Variants in RASA1 observed in about 807,000 individuals in gnomAD.
The protein encoded by RASA1 is ras GTPase-activating protein 1.
Under a neutral mutation model 132.2 loss-of-function variants are expected in RASA1, and 25 were observed. The ratio of observed to expected loss-of-function variants is 0.19; its 90% confidence interval spans 0.14 to 0.26. RASA1 has a LOEUF of 0.26. Among genes scored for constraint, RASA1 ranks in the 10% least tolerant of loss-of-function variants. The probability of loss-of-function intolerance (pLI) is 1.00; values close to 1 mark genes in which losing one functional copy is unlikely to be tolerated. For missense variants in RASA1, 964 were observed against 1,299.2 expected (o/e 0.74, Z 3.97); for synonymous variants, 477 against 449.9 (o/e 1.06, Z -0.76).
Position 87,385,290 on chromosome 5 carries a change from TTC to T in RASA1, c.2759-9_2759-8del. 1 of 1,581,182 alleles carries T rather than the reference TTC, an allele frequency of 6.3e-7. No individual in the cohort carries two copies. Among genetic ancestry groups the T allele is most frequent in the Non-Finnish European group, 8.7e-7 (1 of 1,150,608 alleles). Reference sequence around the variant, plus strand: ...ACTTGGTGTCATTAGCTGTGCCCAATTCTGTTACAGATTCTCCATCTCCTATT... The same window carrying T: ...ACTTGGTGTCATTAGCTGTGCCCAATTGTTACAGATTCTCCATCTCCTATT... On this transcript the variant is annotated splice_polypyrimidine_tract_variant and intron_variant, in intron 21 of 24. Coordinates refer to ENST00000274376, the MANE Select transcript of RASA1 (RefSeq NM_002890.3).
intron 22 of RASA1, among the ~76,000 whole-genome samples, chr5:87,386,062 C>T (rs778922607): frequency 6.6e-6 from 1 of 151,972 alleles, no homozygotes; most frequent in Non-Finnish European, 1.5e-5. Context: ...ATTTAAGATA[C>T]TTTTATTGCT....
chr5:87,387,433 G>T (rs1335604988), intron 23 of RASA1, among the ~76,000 whole-genome samples: 3 of 152,102 alleles, frequency 2.0e-5, no homozygotes, highest in Non-Finnish European at 4.4e-5. Context: ...ACGAATGAGG[G>T]TATTTTATAA....
rs1055470977 is a variant in RASA1, at chr5:87,391,476, A to AAGGAAC, written c.*594_*595insGGAACA. The AAGGAAC allele has an allele frequency of 3.3e-5, 8 of 240,614 alleles. No individual in the cohort carries two copies. Among genetic ancestry groups the AAGGAAC allele is most frequent in the Non-Finnish European group, 6.6e-5 (8 of 121,578 alleles). 14.9% of individuals were successfully genotyped at this position (240,614 alleles called of 1,614,324 possible). ...TTCTCTTGCTGGAACTGTTGAAAGA[A>AAGGAAC]AATATATAGAATGATCTATTGCTCA... On this transcript the variant is annotated 3_prime_UTR_variant, in exon 25 of 25. Coordinates refer to ENST00000274376, the MANE Select transcript of RASA1 (RefSeq NM_002890.3).
Position 87,346,680 on chromosome 5 carries a change from A to G in RASA1, c.1058A>G (p.His353Arg), listed in dbSNP as rs1758886746. 1.3e-6 allele frequency: 2 copies of G among 1,552,432 alleles called. No homozygotes were observed. The highest frequency in any genetic ancestry group is 4.5e-5 in the East Asian group (2 of 44,212). The change falls in exon 7 of 25, where the codon CAT (histidine) becomes CGT (arginine). Residue 353 changes from histidine to arginine, a missense_variant. Physicochemically the swap from His to Arg is conservative, Grantham distance 29 (BLOSUM62 0). Coordinates refer to ENST00000274376, the MANE Select transcript of RASA1 (RefSeq NM_002890.3). ...EDPHEGKIWF[H>R]GKISKQEAYN... The stretch of plus-strand genomic sequence containing the variant: ...TTTATTCTCTTTTTAAGATGGTTCC[A>G]TGGGAAGATTTCCAAACAGGAAGCT...
Position 87,337,902 on chromosome 5 carries a change from G to A in RASA1, c.900-72G>A, listed in dbSNP as rs1489885261. On this transcript the variant is annotated intron_variant, in intron 4 of 24. Coordinates refer to ENST00000274376, the MANE Select transcript of RASA1 (RefSeq NM_002890.3). ...TATAATACTATCCCTATCCTATTTT[G>A]TGGTATATGACTATTCTAATCTCTG... 5.6e-6 allele frequency: 8 copies of A among 1,426,438 alleles called. No individual in the cohort carries two copies. In the East Asian group the frequency reaches 1.5e-4, roughly 27 times the overall value. The allele number at this position is 1,426,438 out of a possible 1,614,324, so 88.4% of individuals were successfully genotyped here.
intron 1 of RASA1, among the ~76,000 whole-genome samples, chr5:87,277,958 C>T (rs1754138947): frequency 6.6e-6 from 1 of 152,198 alleles, no homozygotes; most frequent in East Asian, 1.9e-4. Context: ...TATGGATAAG[C>T]TGTTACTCCA....
intron 6 of RASA1, 89 bp downstream of exon 6, chr5:87,341,410 TA>T: frequency 1.1e-6 from 1 of 926,604 alleles, no homozygotes; most frequent in Non-Finnish European, 1.5e-6. Context: ...AATTGTTTTT[TA>T]AGGTTTTGGA....
chr5:87,313,764 G>C (rs1425477677), intron 1 of RASA1, among the ~76,000 whole-genome samples: 2 of 152,208 alleles, frequency 1.3e-5, no homozygotes, highest in Non-Finnish European at 2.9e-5. Flanking sequence ...AGGGATCAAC[G>C]AGATGACATT....
intron 1 of RASA1, among the ~76,000 whole-genome samples, chr5:87,270,353 T>A (rs1157972650): frequency 1.3e-5 from 2 of 150,236 alleles, no homozygotes; most frequent in East Asian, 3.9e-4. Context: ...TTTTTTTCCT[T>A]CCCCCCACCC....
At chr5:87,311,558 C>T (rs953608950) in intron 1 of RASA1, among the ~76,000 whole-genome samples, 1 of 152,186 alleles carries the variant, frequency 6.6e-6, no homozygotes, top group Non-Finnish European at 1.5e-5. Flanking sequence ...CAGAGTCCAG[C>T]AGAGATTAGA....
intron 1 of RASA1, among the ~76,000 whole-genome samples, chr5:87,287,874 TACACACACCATATATATACCATATATAC>T (rs1486461149): frequency 2.3e-5 from 3 of 130,822 alleles, no homozygotes; most frequent in Non-Finnish European, 3.3e-5. Context: ...ATACCATATA[TACACACACCATATATATACCATATATAC>T]ACACACCATA....
rs141516104 is a variant in RASA1 at position 87,385,851 on chromosome 5, A to T, written c.2847+462A>T. The stretch of plus-strand genomic sequence containing the variant: ...TAATACGTGACAGACTTCTTGCCAT[A>T]TGTGGAAATAGATAACTCTTTCACT... On this transcript the variant is annotated intron_variant, in intron 22 of 24. Coordinates refer to ENST00000274376, the MANE Select transcript of RASA1 (RefSeq NM_002890.3). Among the ~76,000 whole-genome samples the T allele has an allele frequency of 8.1e-3, 1,225 of 152,166 alleles. 41 individuals carry two copies. The highest frequency in any genetic ancestry group is 0.06 in the Admixed American group (919 of 15,262).
At chr5:87,372,266 T>G in intron 13 of RASA1, 71 bp downstream of exon 13, 7 of 1,419,864 alleles carry the variant, frequency 4.9e-6, no homozygotes, top group Non-Finnish European at 6.9e-6. Flanking sequence ...TTATTTTATT[T>G]TTATCTGAAC....
intron 23 of RASA1, among the ~76,000 whole-genome samples, chr5:87,387,759 G>C (rs999915584): frequency 6.6e-6 from 1 of 152,140 alleles, no homozygotes; most frequent in Non-Finnish European, 1.5e-5. Flanking sequence ...ACTAGTGTAT[G>C]AAAAATTATG....
intron 10 of RASA1, 104 bp from the exon 11 acceptor site, chr5:87,363,244 G>T (rs1157332801): frequency 3.7e-6 from 4 of 1,072,090 alleles, no homozygotes; most frequent in African/African-American, 1.6e-5. Context: ...ATAAGCTTTG[G>T]AATAAAAATT....
chr5:87,330,859 C>A, intron 1 of RASA1: 1 of 845,116 alleles, frequency 1.2e-6, no homozygotes, highest in Admixed American at 3.7e-5. Context: ...AAAATAGCAT[C>A]CTTTAGACAG....
chr5:87,342,921 C>T (rs898887371), intron 6 of RASA1, among the ~76,000 whole-genome samples: 1 of 152,078 alleles, frequency 6.6e-6, no homozygotes, highest in Non-Finnish European at 1.5e-5. Flanking sequence ...CATCAGTTTT[C>T]TCATAGTATA....
Position 87,335,236 on chromosome 5 carries a change from TGAA to T in RASA1, c.899+1906_899+1908del, listed in dbSNP as rs1178751962. 5.9e-5 allele frequency among the ~76,000 whole-genome samples: 9 copies of T among 152,240 alleles called. No homozygotes were observed. In the East Asian group the frequency reaches 1.2e-3, roughly 20 times the overall value. ...ACTTGAGAGAATGTTTGACATTTTT[TGAA>T]GAAGAACAGAGTGAGTCTATTATTT... On this transcript the variant is annotated intron_variant, in intron 4 of 24. Coordinates refer to ENST00000274376, the MANE Select transcript of RASA1 (RefSeq NM_002890.3).
chr5:87,276,472 T>G (rs978770458), intron 1 of RASA1, among the ~76,000 whole-genome samples: 1 of 152,172 alleles, frequency 6.6e-6, no homozygotes, highest in Admixed American at 6.5e-5. Flanking sequence ...ATTTTAGGTG[T>G]TTTAGTGGTT....
Sources: gnomAD v4.1 joint callset for allele counts (sites outside exome capture counted in the v4.1 genomes callset) on GRCh38, gnomAD v4.1.1 for gene constraint, MANE v1.5 for transcripts, NCBI Gene and HGNC (gene_info 2026-07-23, HGNC 2026-07-21) for gene names.